Variants in QRFPR observed in about 807,000 individuals in gnomAD.
The protein encoded by QRFPR is pyroglutamylated RFamide peptide receptor.
Under a neutral mutation model 31.3 loss-of-function variants are expected in QRFPR, and 37 were observed. That is an observed-to-expected ratio of 1.18 (90% confidence interval 0.91 to 1.56). The LOEUF (loss-of-function observed/expected upper bound fraction) is 1.56, where lower values mean the gene tolerates loss of function less well. QRFPR is among the 40% of genes most tolerant of loss of function. The pLI is 0.00. For missense variants in QRFPR, 542 were observed against 532.5 expected, an observed-to-expected ratio of 1.02 and a Z score of -0.18; for synonymous variants, 197 against 192.0, an observed-to-expected ratio of 1.03 and a Z score of -0.22.
chr4:121,330,369 C>T, intron 5 of QRFPR, 57 bp downstream of exon 5: 4 of 1,179,506 alleles, frequency 3.4e-6, no homozygotes, highest in Non-Finnish European at 3.8e-6. Flanking sequence ...GATTCATTGT[C>T]TATTCTAGCA....
rs115821446 is a variant in QRFPR at position 121,333,891 on chromosome 4, C to T, written c.562-835G>A. ...TGGAGCTGAATACTTGGGTCTCAGACATATTTCTGCCTACATTCCCAGGAA... is the reference window on the plus strand; with the variant it reads ...TGGAGCTGAATACTTGGGTCTCAGATATATTTCTGCCTACATTCCCAGGAA... On this transcript the variant is annotated intron_variant, in intron 3 of 5. Transcript: ENST00000394427. Among the ~76,000 whole-genome samples, 1,024 of 152,274 alleles carry T rather than the reference C, an allele frequency of 6.7e-3. 3 individuals are homozygous for T. Among genetic ancestry groups the T allele is most frequent in the Middle Eastern group, 0.01 (3 of 294 alleles).
chr4:121,353,361 C>A (rs193206345), intron 1 of QRFPR, among the ~76,000 whole-genome samples: 1 of 151,988 alleles, frequency 6.6e-6, no homozygotes, highest in African/African-American at 2.4e-5. Flanking sequence ...TGCTCTCTCC[C>A]CATCCTGGCC....
chr4:121,357,524 A>G (rs568588909), intron 1 of QRFPR, among the ~76,000 whole-genome samples: 1 of 152,326 alleles, frequency 6.6e-6, no homozygotes, highest in East Asian at 1.9e-4. Flanking sequence ...AAAGGCAGAT[A>G]TTCAGATTCC....
At chr4:121,347,604 A>G (rs1343765699) in intron 1 of QRFPR, among the ~76,000 whole-genome samples, 1 of 152,122 alleles carries the variant, frequency 6.6e-6, no homozygotes, top group African/African-American at 2.4e-5. Context: ...CGCCCTCTCC[A>G]TTAGTCTATT....
At chr4:121,379,019 T>C (rs1255951850) in intron 1 of QRFPR, among the ~76,000 whole-genome samples, 1 of 152,212 alleles carries the variant, frequency 6.6e-6, no homozygotes, top group Non-Finnish European at 1.5e-5. Context: ...ATTAATTTTA[T>C]GGAGTTAGTT....
intron 1 of QRFPR, among the ~76,000 whole-genome samples, chr4:121,376,309 A>G (rs370512439): frequency 6.6e-6 from 1 of 152,216 alleles, no homozygotes; most frequent in Non-Finnish European, 1.5e-5. Context: ...CAATAAGGCA[A>G]TGATGGTAAG....
intron 1 of QRFPR, among the ~76,000 whole-genome samples, chr4:121,365,470 AAATTAATT>A (rs1419686274): frequency 2.4e-5 from 2 of 83,036 alleles, no homozygotes; most frequent in South Asian, 3.4e-4. Flanking sequence ...AATAATAAAT[AAATTAATT>A]AATTAATTAA....
At chr4:121,339,623 A>G (rs1056358508) in intron 2 of QRFPR, among the ~76,000 whole-genome samples, 1 of 151,972 alleles carries the variant, frequency 6.6e-6, no homozygotes, top group Non-Finnish European at 1.5e-5. Context: ...CTAAAACCAC[A>G]TTTCCTGCTC....
intron 1 of QRFPR, among the ~76,000 whole-genome samples, chr4:121,365,623 ATATATT>A (rs1726113760): frequency 1.9e-4 from 2 of 10,380 alleles, no homozygotes; most frequent in Non-Finnish European, 3.4e-4. Flanking sequence ...TATATATATT[ATATATT>A]ATATATATAT....
chr4:121,370,029 C>A, intron 1 of QRFPR: 2 of 771,938 alleles, frequency 2.6e-6, no homozygotes, highest in South Asian at 1.4e-5. Flanking sequence ...TCACATAATT[C>A]ATGACGACAT....
At chr4:121,358,471 CAAAT>C (rs1725911313) in intron 1 of QRFPR, among the ~76,000 whole-genome samples, 1 of 152,172 alleles carries the variant, frequency 6.6e-6, no homozygotes, top group African/African-American at 2.4e-5. Flanking sequence ...TGATAATGTT[CAAAT>C]AAATGATAAC....
intron 1 of QRFPR, among the ~76,000 whole-genome samples, chr4:121,359,936 G>T (rs960588165): frequency 6.6e-6 from 1 of 151,332 alleles, no homozygotes; most frequent in Non-Finnish European, 1.5e-5. Flanking sequence ...ATGTGACCCT[G>T]CTCCTTTCCC....
At chr4:121,355,076 GA>G (rs1307673628) in intron 1 of QRFPR, among the ~76,000 whole-genome samples, 1 of 151,948 alleles carries the variant, frequency 6.6e-6, no homozygotes, top group East Asian at 1.9e-4. Flanking sequence ...GGGTTATACT[GA>G]CTTTGTGGTA....
intron 1 of QRFPR, among the ~76,000 whole-genome samples, chr4:121,379,055 A>G (rs1471235730): frequency 6.6e-6 from 1 of 152,202 alleles, no homozygotes; most frequent in African/African-American, 2.4e-5. Flanking sequence ...AAAATGCCCA[A>G]ATACAATTAC....
chr4:121,373,016 C>G (rs1216292023), intron 1 of QRFPR, among the ~76,000 whole-genome samples: 4 of 152,114 alleles, frequency 2.6e-5, no homozygotes, highest in African/African-American at 9.7e-5. Flanking sequence ...TGCCTAAAAC[C>G]AGCCCTAACT....
intron 2 of QRFPR, 58 bp downstream of exon 2, chr4:121,340,394 T>G (rs1725519526): frequency 6.4e-7 from 1 of 1,571,472 alleles, no homozygotes; most frequent in African/African-American, 1.4e-5. Flanking sequence ...AATATGGTTC[T>G]CTATTCTGTA....
intron 1 of QRFPR, among the ~76,000 whole-genome samples, chr4:121,352,865 T>C (rs901320340): frequency 6.6e-6 from 1 of 152,018 alleles, no homozygotes; most frequent in Non-Finnish European, 1.5e-5. Flanking sequence ...CCCTCTTCAC[T>C]ACCCTTTCAC....
At chr4:121,346,130 G>T (rs1725643644) in intron 1 of QRFPR, among the ~76,000 whole-genome samples, 1 of 152,170 alleles carries the variant, frequency 6.6e-6, no homozygotes, top group African/African-American at 2.4e-5. Context: ...ATAAAGGAAA[G>T]TTTACTTGAT....
intron 1 of QRFPR, among the ~76,000 whole-genome samples, chr4:121,352,476 A>G (rs1725781167): frequency 6.6e-6 from 1 of 152,116 alleles, no homozygotes; most frequent in Non-Finnish European, 1.5e-5. Context: ...AAGTAAGGAA[A>G]ACCTCAGACT....
Sources: allele counts gnomAD v4.1 joint callset (sites outside exome capture counted in the v4.1 genomes callset), GRCh38; gene constraint gnomAD v4.1.1; transcripts MANE v1.5; gene names NCBI Gene and HGNC (gene_info 2026-07-23, HGNC 2026-07-21).